ITFG1: variants seen among roughly 807,000 people sequenced by gnomAD.
The protein encoded by ITFG1 is T-cell immunomodulatory protein.
In ITFG1, 34 loss-of-function variants were observed where a neutral mutation model predicts 81.8. That is an observed-to-expected ratio of 0.42 (90% CI 0.32 to 0.55). The LOEUF is 0.55. Among genes scored for constraint, ITFG1 ranks in the 20% least tolerant of loss-of-function variants. The probability of loss-of-function intolerance (pLI) is 0.17; values close to 1 mark genes in which losing one functional copy is unlikely to be tolerated. For synonymous variants in ITFG1, 285 were observed against 270.6 expected (o/e 1.05, Z -0.52); for missense variants, 672 against 755.4 (o/e 0.89, Z 1.29).
chr16:47,454,444 A>G (rs1444493631), intron 2 of ITFG1, among the ~76,000 whole-genome samples: 2 of 152,228 alleles, frequency 1.3e-5, no homozygotes, highest in Non-Finnish European at 1.5e-5. Flanking sequence ...TAGCCCTTCT[A>G]TATAGTTCCT....
At chr16:47,414,949 C>T (rs1968855908) in intron 6 of ITFG1, among the ~76,000 whole-genome samples, 1 of 152,204 alleles carries the variant, frequency 6.6e-6, no homozygotes, top group Non-Finnish European at 1.5e-5. Context: ...TTTTTAGGCT[C>T]TGACCTTGAT....
chr16:47,301,394 TTTCTTC>T (rs1302918877), intron 10 of ITFG1, among the ~76,000 whole-genome samples: 1 of 151,998 alleles, frequency 6.6e-6, no homozygotes, highest in African/African-American at 2.4e-5. Flanking sequence ...TTCTTTTTCT[TTTCTTC>T]TTCTTCTTCT....
At chr16:47,287,387 A>G (rs946171235) in intron 10 of ITFG1, among the ~76,000 whole-genome samples, 1 of 151,892 alleles carries the variant, frequency 6.6e-6, no homozygotes, top group Non-Finnish European at 1.5e-5. Flanking sequence ...CTGCTGCAAG[A>G]CCAACTGCTC....
At chr16:47,173,642 C>T (rs189961342) in intron 14 of ITFG1, among the ~76,000 whole-genome samples, 22 of 152,298 alleles carry the variant, frequency 1.4e-4, no homozygotes. Flanking sequence ...TGATATCAGA[C>T]ACTCCAACCA....
chr16:47,162,681 A>T lies in ITFG1; in HGVS notation c.1454-17T>A. On this transcript the variant is annotated splice_polypyrimidine_tract_variant and intron_variant, in intron 14 of 17. Transcript: ENST00000320640. ...GTTGGCCAGCTAGAGTTATTCAATT[A>T]AAAAAAAATTAAAAACATCTCTGGA... 1 of 1,489,010 alleles carries T rather than the reference A, an allele frequency of 6.7e-7. No homozygotes were observed. The allele number at this position is 1,489,010 out of a possible 1,614,324, so 92.2% of individuals were successfully genotyped here. A position where few individuals can be genotyped will look rare whatever the true frequency, so the allele number is the denominator to read the frequency against.
At chr16:47,437,537 C>T (rs746907025) in intron 5 of ITFG1, among the ~76,000 whole-genome samples, 10 of 150,674 alleles carry the variant, frequency 6.6e-5, no homozygotes, top group Non-Finnish European at 1.3e-4. Flanking sequence ...TCAAAATGTC[C>T]AAGGTGTAAA....
chr16:47,433,917 A>G (rs1969129672), intron 5 of ITFG1, among the ~76,000 whole-genome samples: 1 of 135,380 alleles, frequency 7.4e-6, no homozygotes, highest in Admixed American at 7.5e-5. Context: ...GTTGTCAATA[A>G]GAACTAAAGT....
intron 7 of ITFG1, among the ~76,000 whole-genome samples, chr16:47,375,184 C>CTG (rs554441797): frequency 3.9e-5 from 6 of 152,110 alleles, no homozygotes; most frequent in African/African-American, 1.4e-4. Flanking sequence ...CGCCCATTTT[C>CTG]TGTGTGTGGA....
chr16:47,308,543 T>C (rs1473400428), intron 10 of ITFG1, among the ~76,000 whole-genome samples: 1 of 152,232 alleles, frequency 6.6e-6, no homozygotes, highest in East Asian at 1.9e-4. Flanking sequence ...AGCTGTCTGA[T>C]TTATCTCAGA....
chr16:47,297,532 C>A (rs189476535), intron 10 of ITFG1, among the ~76,000 whole-genome samples: 18 of 152,060 alleles, frequency 1.2e-4, no homozygotes, highest in African/African-American at 3.6e-4. Flanking sequence ...CTATTTGTGA[C>A]CACTTCCCTT....
intron 17 of ITFG1, among the ~76,000 whole-genome samples, chr16:47,156,573 A>C (rs1156253148): frequency 6.6e-6 from 1 of 152,214 alleles, no homozygotes; most frequent in Non-Finnish European, 1.5e-5. Context: ...CAAAAAGACA[A>C]ATGCAAAACA....
At chr16:47,307,718 T>G (rs977190572) in intron 10 of ITFG1, among the ~76,000 whole-genome samples, 3 of 152,202 alleles carry the variant, frequency 2.0e-5, no homozygotes, top group Non-Finnish European at 2.9e-5. Flanking sequence ...GTACTGAGTT[T>G]TGGGGTGTGA....
chr16:47,159,914 G>C (rs1424938460), intron 16 of ITFG1, among the ~76,000 whole-genome samples: 1 of 151,924 alleles, frequency 6.6e-6, no homozygotes, highest in Non-Finnish European at 1.5e-5. Context: ...AATCAATTTG[G>C]TTTTTATTAT....
At chr16:47,182,043 GC>G (rs1965131621) in intron 14 of ITFG1, among the ~76,000 whole-genome samples, 2 of 152,050 alleles carry the variant, frequency 1.3e-5, no homozygotes, top group South Asian at 2.1e-4. Context: ...CACAAACACT[GC>G]GGAAGGCCAC....
chr16:47,379,343 C>T (rs938980811), intron 6 of ITFG1, among the ~76,000 whole-genome samples: 1 of 152,124 alleles, frequency 6.6e-6, no homozygotes, highest in Non-Finnish European at 1.5e-5. Context: ...TCCCAGGAAA[C>T]CCAACCAACA....
intron 14 of ITFG1, among the ~76,000 whole-genome samples, chr16:47,201,148 C>A (rs1436233022): frequency 6.6e-6 from 1 of 151,714 alleles, no homozygotes; most frequent in East Asian, 1.9e-4. Context: ...ATTATACCAT[C>A]TTTTCTAAAA....
At chr16:47,451,362 G>A (rs747373063) in intron 5 of ITFG1, 34 bp downstream of exon 5, 3 of 1,141,840 alleles carry the variant, frequency 2.6e-6, no homozygotes, top group South Asian at 1.3e-5. Flanking sequence ...CAATATATAC[G>A]ATTAATTACA....
chr16:47,444,257 G>A (rs1969293606), intron 5 of ITFG1, among the ~76,000 whole-genome samples: 1 of 152,114 alleles, frequency 6.6e-6, no homozygotes, highest in Non-Finnish European at 1.5e-5. Context: ...ATAAAAATAA[G>A]ATTGTAAAGC....
intron 1 of ITFG1, among the ~76,000 whole-genome samples, chr16:47,460,305 C>A (rs1353088928): frequency 6.6e-6 from 1 of 152,132 alleles, no homozygotes; most frequent in Non-Finnish European, 1.5e-5. Context: ...AGGGTACATT[C>A]GCTTCATAGA....
Sources: allele counts gnomAD v4.1 joint callset (sites outside exome capture counted in the v4.1 genomes callset), GRCh38; gene constraint gnomAD v4.1.1; transcripts MANE v1.5; gene names NCBI Gene and HGNC (gene_info 2026-07-23, HGNC 2026-07-21).